The following NEGR1 variants were observed in gnomAD, a reference collection of about 807,000 sequenced individuals.
NEGR1 encodes IgLON family member 4.
In NEGR1, 10 loss-of-function variants were observed where a neutral mutation model predicts 40.9. That is an observed-to-expected ratio of 0.24 (90% CI 0.15 to 0.42). The LOEUF (loss-of-function observed/expected upper bound fraction) is 0.42. Ranked by LOEUF, NEGR1 falls within the 10% of genes least tolerant of loss-of-function variation. NEGR1 has a pLI of 1.00. For synonymous variants in NEGR1, 185 were observed against 166.8 expected (o/e 1.11, Z -0.84); for missense variants, 352 against 438.9 (o/e 0.80, Z 1.77).
chr1:72,035,190 A>C (rs1382550768), intron 1 of NEGR1, among the ~76,000 whole-genome samples: 1 of 152,146 alleles, frequency 6.6e-6, no homozygotes, highest in Non-Finnish European at 1.5e-5. Flanking sequence ...AATCGATTGC[A>C]TTCTGCCGCA....
At chr1:71,703,501 A>G (rs1402330772) in intron 3 of NEGR1, 3 of 151,764 alleles carry the variant, frequency 2.0e-5, no homozygotes, top group Non-Finnish European at 4.4e-5. Context: ...TGAAAAAAAA[A>G]AAAGGAAATA....
intron 1 of NEGR1, among the ~76,000 whole-genome samples, chr1:72,280,134 A>G (rs1018355567): frequency 6.6e-6 from 1 of 152,192 alleles, no homozygotes; most frequent in Non-Finnish European, 1.5e-5. Context: ...TGAGGTACAG[A>G]GCACACAAAG....
chr1:71,920,990 C>T (rs948001000), intron 2 of NEGR1, among the ~76,000 whole-genome samples: 1 of 152,100 alleles, frequency 6.6e-6, no homozygotes, highest in African/African-American at 2.4e-5. Context: ...TAATGATAAT[C>T]GCACCCAAAA....
At chr1:72,239,572 T>C (rs1284266995) in intron 1 of NEGR1, among the ~76,000 whole-genome samples, 4 of 151,726 alleles carry the variant, frequency 2.6e-5, no homozygotes, top group Non-Finnish European at 2.9e-5. Flanking sequence ...AATCTAAAAA[T>C]GCAATTTGAA....
At chr1:72,065,631 T>C (rs1023444298) in intron 1 of NEGR1, among the ~76,000 whole-genome samples, 3 of 152,120 alleles carry the variant, frequency 2.0e-5, no homozygotes, top group African/African-American at 7.2e-5. Flanking sequence ...TCTGTTAAGG[T>C]TGACTGACTT....
At chr1:72,009,390 T>A (rs1330130517) in intron 1 of NEGR1, among the ~76,000 whole-genome samples, 1 of 152,160 alleles carries the variant, frequency 6.6e-6, no homozygotes, top group African/African-American at 2.4e-5. Context: ...ACTTACGCAA[T>A]ATTCTAATTT....
intron 1 of NEGR1, among the ~76,000 whole-genome samples, chr1:71,949,837 C>T (rs1266422473): frequency 1.3e-5 from 2 of 151,988 alleles, no homozygotes; most frequent in Non-Finnish European, 2.9e-5. Context: ...TAAATTCTAG[C>T]CTTGACACAC....
intron 1 of NEGR1, among the ~76,000 whole-genome samples, chr1:72,260,827 T>C (rs542060418): frequency 1.3e-5 from 2 of 152,240 alleles, no homozygotes; most frequent in South Asian, 2.1e-4. Context: ...TACATGCAGA[T>C]TGCATAATTA....
chr1:72,083,714 G>A (rs1648096051), intron 1 of NEGR1, among the ~76,000 whole-genome samples: 1 of 151,818 alleles, frequency 6.6e-6, no homozygotes, highest in Non-Finnish European at 1.5e-5. Flanking sequence ...TCTTTCCTAG[G>A]TTTGATTTTT....
At chr1:71,841,580 T>C (rs1266425431) in intron 2 of NEGR1, among the ~76,000 whole-genome samples, 1 of 152,168 alleles carries the variant, frequency 6.6e-6, no homozygotes, top group Non-Finnish European at 1.5e-5. Flanking sequence ...GTCAGTATAA[T>C]GTGGTGGTTA....
intron 6 of NEGR1, among the ~76,000 whole-genome samples, chr1:71,436,919 C>A (rs906130185): frequency 1.3e-5 from 2 of 152,122 alleles, no homozygotes; most frequent in Non-Finnish European, 1.5e-5. Flanking sequence ...AGGCTTCTAG[C>A]CAATAGTAGG....
intron 4 of NEGR1, among the ~76,000 whole-genome samples, chr1:71,655,055 A>T (rs1651835516): frequency 6.6e-6 from 1 of 151,936 alleles, no homozygotes; most frequent in African/African-American, 2.4e-5. Context: ...TCCAATTGAA[A>T]CTCCTCCTGT....
chr1:72,224,833 G>C lies in NEGR1; in HGVS notation c.176+57486C>G, dbSNP rs559883740. ...TCAGTTTGTTTCTAGGTTTAAGCTA[G>C]TGTAATACAAGATTAGTTAAGCAAA... On this transcript the variant is annotated intron_variant, in intron 1 of 6. Transcript: ENST00000357731. 8.5e-5 allele frequency among the ~76,000 whole-genome samples: 13 copies of C among 152,092 alleles called. No individual in the cohort carries two copies. In the East Asian group the frequency reaches 2.3e-3, roughly 27 times the overall value.
At chr1:71,814,354 A>T (rs868241354) in intron 2 of NEGR1, among the ~76,000 whole-genome samples, 1 of 151,840 alleles carries the variant, frequency 6.6e-6, no homozygotes, top group African/African-American at 2.4e-5. Flanking sequence ...TTCATCAGGG[A>T]TATTTGTCTG....
chr1:71,819,691 T>C (rs2101774405), intron 2 of NEGR1, among the ~76,000 whole-genome samples: 1 of 152,098 alleles, frequency 6.6e-6, no homozygotes, highest in African/African-American at 2.4e-5. Flanking sequence ...CATATGCATA[T>C]CTTATTCTAG....
chr1:72,149,808 G>A (rs1651047397), intron 1 of NEGR1, among the ~76,000 whole-genome samples: 1 of 148,780 alleles, frequency 6.7e-6, no homozygotes, highest in African/African-American at 2.5e-5. Flanking sequence ...TTGAACCTGG[G>A]AGGCGGAGGT....
chr1:71,970,465 C>G (rs189230173), intron 1 of NEGR1, among the ~76,000 whole-genome samples: 1 of 152,184 alleles, frequency 6.6e-6, no homozygotes, highest in East Asian at 1.9e-4. Flanking sequence ...TTGAGGCAGA[C>G]AGATTACTGG....
intron 4 of NEGR1, among the ~76,000 whole-genome samples, chr1:71,681,725 C>A (rs986978459): frequency 1.3e-5 from 2 of 152,122 alleles, no homozygotes; most frequent in African/African-American, 4.8e-5. Context: ...CCTAATATGT[C>A]CTTATGGAAT....
chr1:71,441,232 G>A (rs1269453164), intron 6 of NEGR1, among the ~76,000 whole-genome samples: 1 of 152,242 alleles, frequency 6.6e-6, no homozygotes, highest in Non-Finnish European at 1.5e-5. Context: ...ATCAACTGAT[G>A]TGAAATTAGT....
Sources: allele counts gnomAD v4.1 joint callset (sites outside exome capture counted in the v4.1 genomes callset), GRCh38; gene constraint gnomAD v4.1.1; transcripts MANE v1.5; gene names NCBI Gene and HGNC (gene_info 2026-07-23, HGNC 2026-07-21).